The following LIMS1 variants were observed in gnomAD, a reference collection of about 807,000 sequenced individuals.
LIMS1 encodes the protein LIM and senescent cell antigen-like-containing domain protein 1.
Under a neutral mutation model 44.1 loss-of-function variants are expected in LIMS1, and 18 were observed. The ratio of observed to expected loss-of-function variants is 0.41; its 90% confidence interval spans 0.28 to 0.61. The LOEUF is 0.61. Among genes scored for constraint, LIMS1 ranks in the 20% least tolerant of loss-of-function variants. LIMS1 has a pLI of 0.32. For missense variants in LIMS1, 201 were observed against 422.0 expected, an observed-to-expected ratio of 0.48 and a Z score of 4.59; for synonymous variants, 93 against 149.1, an observed-to-expected ratio of 0.62 and a Z score of 2.74.
chr2:108,635,155 G>T (rs1247445253), intron 1 of LIMS1, among the ~76,000 whole-genome samples: 1 of 152,180 alleles, frequency 6.6e-6, no homozygotes, highest in African/African-American at 2.4e-5. Context: ...CTGTGGCTGG[G>T]CGCGGTGACT....
intron 1 of LIMS1, among the ~76,000 whole-genome samples, chr2:108,597,998 G>A (rs963166370): frequency 6.6e-6 from 1 of 151,644 alleles, no homozygotes; most frequent in African/African-American, 2.4e-5. Flanking sequence ...GGCCAGAAAT[G>A]CTATTTTTTT....
intron 8 of LIMS1, among the ~76,000 whole-genome samples, chr2:108,679,645 G>A (rs185275111): frequency 2.0e-5 from 3 of 152,282 alleles, no homozygotes; most frequent in East Asian, 1.9e-4. Flanking sequence ...GGCCGGGTGT[G>A]GTGGCTTATA....
intron 2 of LIMS1, among the ~76,000 whole-genome samples, chr2:108,666,343 A>C (rs1294274368): frequency 2.1e-5 from 3 of 144,268 alleles, no homozygotes; most frequent in African/African-American, 7.8e-5. Flanking sequence ...TTTGAGACAA[A>C]GTCAAGCTCT....
chr2:108,578,827 C>T (rs1460710438), intron 1 of LIMS1, among the ~76,000 whole-genome samples: 1 of 152,032 alleles, frequency 6.6e-6, no homozygotes, highest in Non-Finnish European at 1.5e-5. Flanking sequence ...ATCTCCTGAC[C>T]TCGTGATCTG....
intron 1 of LIMS1, among the ~76,000 whole-genome samples, chr2:108,615,065 C>G (rs72948775): frequency 2.0e-5 from 3 of 151,386 alleles, no homozygotes; most frequent in Non-Finnish European, 1.5e-5. Flanking sequence ...GATATAGATA[C>G]GCTAGAATCT....
intron 1 of LIMS1, among the ~76,000 whole-genome samples, chr2:108,619,404 C>T (rs1239328714): frequency 1.3e-5 from 2 of 150,554 alleles, no homozygotes; most frequent in African/African-American, 4.9e-5. Flanking sequence ...AAAACGAAGG[C>T]TGGGCACGGT....
intron 1 of LIMS1, among the ~76,000 whole-genome samples, chr2:108,539,738 T>A (rs936166719): frequency 6.6e-6 from 1 of 152,230 alleles, no homozygotes; most frequent in Non-Finnish European, 1.5e-5. Flanking sequence ...TTTTCATTTT[T>A]AAACCATTTA....
chr2:108,616,613 A>G (rs886762110), intron 1 of LIMS1, among the ~76,000 whole-genome samples: 2 of 152,140 alleles, frequency 1.3e-5, no homozygotes, highest in African/African-American at 2.4e-5. Context: ...GACAGTTGCA[A>G]TATTATCTGC....
intron 1 of LIMS1, among the ~76,000 whole-genome samples, chr2:108,623,584 A>T (rs114303671): frequency 0.025 from 3,816 of 152,310 alleles, 101 homozygotes; most frequent in African/African-American, 0.064. Flanking sequence ...AAGTAAAGAT[A>T]CAGTGAGGAA....
intron 7 of LIMS1, chr2:108,676,975 A>G (rs1692608681): frequency 7.8e-6 from 3 of 383,594 alleles, no homozygotes; most frequent in Admixed American, 4.2e-5. Flanking sequence ...ATATACAAGT[A>G]CGATGGCTGT....
intron 1 of LIMS1, among the ~76,000 whole-genome samples, chr2:108,604,317 C>G (rs1031320874): frequency 2.6e-5 from 4 of 152,182 alleles, no homozygotes; most frequent in Non-Finnish European, 4.4e-5. Flanking sequence ...TGGGACACAG[C>G]CACATTTACT....
chr2:108,634,695 C>G (rs1310168221), intron 1 of LIMS1, among the ~76,000 whole-genome samples: 1 of 152,222 alleles, frequency 6.6e-6, no homozygotes, highest in Admixed American at 6.5e-5. Context: ...AAACAGGCGG[C>G]TGCTTCATTC....
rs1420834612 is a variant in LIMS1, at chr2:108,534,460, C to G, written c.-103C>G. On this transcript the variant is annotated 5_prime_UTR_variant, in exon 1 of 10. Coordinates refer to ENST00000544547, the Ensembl canonical transcript of LIMS1. ...CCTGGCCTTCCTCCCCTTCCTGCTCCGGGCCCGCCAGTAGCCGGCCGCGGC... is the reference window on the plus strand; with the variant it reads ...CCTGGCCTTCCTCCCCTTCCTGCTCGGGGCCCGCCAGTAGCCGGCCGCGGC... The G allele has an allele frequency of 2.1e-6, 2 of 966,514 alleles. No individual in the cohort carries two copies. The highest frequency in any genetic ancestry group is 3.5e-5 in the African/African-American group (2 of 57,206). The allele number at this position is 966,514 out of a possible 1,614,324, so 59.9% of individuals were successfully genotyped here.
At chr2:108,628,777 T>C (rs1688730391) in intron 1 of LIMS1, among the ~76,000 whole-genome samples, 1 of 152,204 alleles carries the variant, frequency 6.6e-6, no homozygotes, top group Admixed American at 6.5e-5. Flanking sequence ...AGTGCATTAA[T>C]TTTTGAAGAG....
At chr2:108,562,034 G>C (rs374925915) in intron 1 of LIMS1, among the ~76,000 whole-genome samples, 8 of 152,032 alleles carry the variant, frequency 5.3e-5, no homozygotes, top group African/African-American at 1.9e-4. Flanking sequence ...GAGCCACCAT[G>C]CCCGGCCAGT....
chr2:108,570,796 T>C (rs1409555867), intron 1 of LIMS1, among the ~76,000 whole-genome samples: 1 of 152,122 alleles, frequency 6.6e-6, no homozygotes, highest in South Asian at 2.1e-4. Flanking sequence ...AAGACCAGAC[T>C]GAAGGTACTG....
chr2:108,645,238 C>A (rs1417032351), intron 1 of LIMS1, among the ~76,000 whole-genome samples: 1 of 151,968 alleles, frequency 6.6e-6, no homozygotes, highest in Non-Finnish European at 1.5e-5. Context: ...TTAAGGGCAA[C>A]CAGAGAGAAA....
At position 108,574,267 on chromosome 2, in the gene LIMS1, AAAG is replaced by A. The variant is rs1685589294; in HGVS notation, c.32+39678_32+39680del. ...CAAGATCAGGGAAGGGGCTTTCAAAAAAGAAGAGATTAAAGCTTTGGGAAAAAG... is the reference window on the plus strand; with the variant it reads ...CAAGATCAGGGAAGGGGCTTTCAAAAAAGAGATTAAAGCTTTGGGAAAAAG... On this transcript the variant is annotated intron_variant, in intron 1 of 9. Transcript: ENST00000544547. 2.0e-5 allele frequency among the ~76,000 whole-genome samples: 3 copies of A among 152,344 alleles called. No homozygotes were observed. In the East Asian group the frequency reaches 5.8e-4, roughly 29 times the overall value.
chr2:108,535,949 CAA>C (rs1343791856), intron 1 of LIMS1, among the ~76,000 whole-genome samples: 3 of 151,910 alleles, frequency 2.0e-5, no homozygotes, highest in Non-Finnish European at 4.4e-5. Flanking sequence ...TCACAAGTAA[CAA>C]AAAAGAGTCA....
Sources: allele counts gnomAD v4.1 joint callset (sites outside exome capture counted in the v4.1 genomes callset), GRCh38; gene constraint gnomAD v4.1.1; transcripts MANE v1.5; gene names NCBI Gene and HGNC (gene_info 2026-07-23, HGNC 2026-07-21).